RASGRP3: variants seen among roughly 807,000 people sequenced by gnomAD.
The protein encoded by RASGRP3 is ras guanyl-releasing protein 3.
Under a neutral mutation model 82.7 loss-of-function variants are expected in RASGRP3, and 54 were observed. That is an observed-to-expected ratio of 0.65 (90% CI 0.52 to 0.82). The LOEUF is 0.82. RASGRP3 is among the 40% of genes least tolerant of loss of function. RASGRP3 has a pLI of 0.00. For missense variants in RASGRP3, 861 were observed against 828.9 expected, an observed-to-expected ratio of 1.04 and a Z score of -0.48; for synonymous variants, 309 against 300.5, an observed-to-expected ratio of 1.03 and a Z score of -0.29.
chr2:33,524,689 A>G, intron 9 of RASGRP3, 141 bp downstream of exon 9: 2 of 631,220 alleles, frequency 3.2e-6, no homozygotes, highest in Non-Finnish European at 5.4e-6. Flanking sequence ...GGGACAAAGT[A>G]GAAAGGGAAT....
At position 33,520,043 on chromosome 2, in the gene RASGRP3, G is replaced by A. The variant is rs139065864; in HGVS notation, c.236+29G>A. 232 of 1,517,962 alleles carry A rather than the reference G, an allele frequency of 1.5e-4. 1 individual carries two copies. In the East Asian group the frequency reaches 5.4e-3, roughly 35 times the overall value. 94.0% of individuals were successfully genotyped at this position (1,517,962 alleles called of 1,614,324 possible). ...AATATATTTACAAATTTAATTTCTTGTAGTTTCTGGTTCTGGAATCGTGGA... is the reference window on the plus strand; with the variant it reads ...AATATATTTACAAATTTAATTTCTTATAGTTTCTGGTTCTGGAATCGTGGA... On this transcript the variant is annotated intron_variant, in intron 5 of 17. Transcript: ENST00000403687.
chr2:33,445,150 G>T (rs1375153803), intron 1 of RASGRP3, among the ~76,000 whole-genome samples: 2 of 152,238 alleles, frequency 1.3e-5, no homozygotes, highest in Non-Finnish European at 2.9e-5. Context: ...GGACTCTCAT[G>T]CCAGTCAGCT....
In RASGRP3 at chr2:33,562,917, AC is replaced by A; in HGVS notation, c.*181del. On this transcript the variant is annotated 3_prime_UTR_variant, in exon 18 of 18. Transcript: ENST00000403687. ...TGGGACAGAGAATTGACCCTAACTAACTAACTATGAACTATTTATTTCCTCC... is the reference window on the plus strand; with the variant it reads ...TGGGACAGAGAATTGACCCTAACTAATAACTATGAACTATTTATTTCCTCC... 2 of 720,676 alleles carry A rather than the reference AC, an allele frequency of 2.8e-6. No individual in the cohort carries two copies. Among genetic ancestry groups the A allele is most frequent in the Non-Finnish European group, 4.5e-6 (2 of 440,416 alleles). The allele number at this position is 720,676 out of a possible 1,614,324, so 44.6% of individuals were successfully genotyped here. A position where few individuals can be genotyped will look rare whatever the true frequency, so the allele number is the denominator to read the frequency against.
chr2:33,497,763 A>G (rs1368456483), intron 1 of RASGRP3, among the ~76,000 whole-genome samples: 1 of 152,194 alleles, frequency 6.6e-6, no homozygotes, highest in East Asian at 1.9e-4. Flanking sequence ...TAGATTGTAA[A>G]TTGATCAATA....
At chr2:33,552,161 T>C (rs1033022251) in intron 14 of RASGRP3, among the ~76,000 whole-genome samples, 3 of 152,204 alleles carry the variant, frequency 2.0e-5, no homozygotes, top group East Asian at 1.9e-4. Flanking sequence ...CCCTGACTCA[T>C]TGGAGCAGAC....
chr2:33,463,479 T>A (rs1309414248), intron 2 of RASGRP3, among the ~76,000 whole-genome samples: 1 of 152,058 alleles, frequency 6.6e-6, no homozygotes, highest in Admixed American at 6.6e-5. Flanking sequence ...TGGACCAATT[T>A]GTCTGGAAAT....
At chr2:33,524,669 G>T in intron 9 of RASGRP3, 121 bp downstream of exon 9, 1 of 703,164 alleles carries the variant, frequency 1.4e-6, no homozygotes, top group Admixed American at 3.1e-5. Flanking sequence ...CCAGTGGTAG[G>T]TTATAAATGG....
chr2:33,522,160 A>G, intron 7 of RASGRP3, 58 bp downstream of exon 7: 1 of 1,542,224 alleles, frequency 6.5e-7, no homozygotes. Flanking sequence ...AACTTTCCCA[A>G]GAGCTGCATT....
At chr2:33,561,846 C>T (rs1676695422) in intron 17 of RASGRP3, among the ~76,000 whole-genome samples, 1 of 152,062 alleles carries the variant, frequency 6.6e-6, no homozygotes, top group African/African-American at 2.4e-5. Context: ...ATGTCATCTC[C>T]CCAATGACCA....
intron 1 of RASGRP3, among the ~76,000 whole-genome samples, chr2:33,489,211 A>C (rs1323580993): frequency 1.3e-5 from 2 of 152,248 alleles, no homozygotes; most frequent in African/African-American, 4.8e-5. Flanking sequence ...AATAGTACCA[A>C]GGTTGAGAAA....
rs116408609 is a variant in RASGRP3, at chr2:33,469,446, T to C, written c.-261+21503T>C. Among the ~76,000 whole-genome samples the C allele has an allele frequency of 5.9e-3, 889 of 151,842 alleles. 8 individuals carry two copies. Among genetic ancestry groups the C allele is most frequent in the Middle Eastern group, 0.051 (15 of 294 alleles). On this transcript the variant is annotated intron_variant, in intron 2 of 18. Coordinates refer to the RASGRP3 transcript ENST00000402538. The stretch of plus-strand genomic sequence containing the variant: ...TTATAAAACCAATCATGTGATTCTC[T>C]TCAAGTTTGTATGTGATTTTTTTTT...
chr2:33,452,276 C>T (rs1407050432), intron 2 of RASGRP3, among the ~76,000 whole-genome samples: 2 of 152,082 alleles, frequency 1.3e-5, no homozygotes, highest in African/African-American at 2.4e-5. Context: ...GGTGGTGTTT[C>T]CCTTATTATT....
At chr2:33,461,464 G>A (rs1436212916) in intron 2 of RASGRP3, among the ~76,000 whole-genome samples, 4 of 152,192 alleles carry the variant, frequency 2.6e-5, no homozygotes, top group South Asian at 2.1e-4. Context: ...TTTTAGTAGA[G>A]GCGGGGTTTC....
At chr2:33,437,349 A>G (rs1161652017) in intron 1 of RASGRP3, among the ~76,000 whole-genome samples, 1 of 152,240 alleles carries the variant, frequency 6.6e-6, no homozygotes, top group African/African-American at 2.4e-5. Flanking sequence ...GCTACTAGGG[A>G]CATTCCAAAT....
At chr2:33,475,383 A>C (rs1409938983), upstream of RASGRP3, among the ~76,000 whole-genome samples, 2 of 152,224 alleles carry the variant, frequency 1.3e-5, no homozygotes, top group East Asian at 3.8e-4. Context: ...TTTGATTAAC[A>C]CTGTAAATAA....
intron 5 of RASGRP3, among the ~76,000 whole-genome samples, chr2:33,520,255 T>C (rs1289809619): frequency 6.6e-6 from 1 of 152,136 alleles, no homozygotes; most frequent in African/African-American, 2.4e-5. Context: ...AAAGGGTGGA[T>C]TTATTTTCTT....
intron 14 of RASGRP3, among the ~76,000 whole-genome samples, chr2:33,551,676 A>G (rs4491711): frequency 0.12 from 18,789 of 151,874 alleles, 1,269 homozygotes; most frequent in African/African-American, 0.17. Context: ...TGCCACTGCC[A>G]TCGCTAAATA....
intron 2 of RASGRP3, among the ~76,000 whole-genome samples, chr2:33,456,401 C>G (rs1461774300): frequency 6.6e-6 from 1 of 151,990 alleles, no homozygotes; most frequent in Non-Finnish European, 1.5e-5. Context: ...TTTCTTTATT[C>G]CAATTTTTCC....
intron 1 of RASGRP3, among the ~76,000 whole-genome samples, chr2:33,509,478 T>C (rs1266143921): frequency 6.6e-6 from 1 of 152,200 alleles, no homozygotes; most frequent in Non-Finnish European, 1.5e-5. Flanking sequence ...ATAAAGGATA[T>C]ACTCCTTACT....
Sources: gnomAD v4.1 joint callset for allele counts (sites outside exome capture counted in the v4.1 genomes callset) on GRCh38, gnomAD v4.1.1 for gene constraint, MANE v1.5 for transcripts, NCBI Gene and HGNC (gene_info 2026-07-23, HGNC 2026-07-21) for gene names.